The following BRINP1 variants were observed in gnomAD, a reference collection of about 807,000 sequenced individuals.
BRINP1 encodes the protein BMP/retinoic acid inducible neural specific 1.
In BRINP1, 17 loss-of-function variants were observed where a neutral mutation model predicts 72.9. The ratio of observed to expected loss-of-function variants is 0.23; its 90% CI spans 0.16 to 0.35. The LOEUF (loss-of-function observed/expected upper bound fraction) is 0.35, where lower values mean the gene tolerates loss of function less well. Among genes scored for constraint, BRINP1 ranks in the 10% least tolerant of loss-of-function variants. BRINP1 has a pLI of 1.00. For missense variants in BRINP1, 850 were observed against 1,001.6 expected, an observed-to-expected ratio of 0.85 and a Z score of 2.04; for synonymous variants, 418 against 378.5, an observed-to-expected ratio of 1.10 and a Z score of -1.21.
At chr9:119,231,752 CTT>C (rs925183784) in intron 5 of BRINP1, among the ~76,000 whole-genome samples, 79 of 152,122 alleles carry the variant, frequency 5.2e-4, no homozygotes, top group African/African-American at 1.9e-3. Flanking sequence ...TCTATACTCT[CTT>C]GTCTCTCTTC....
At chr9:119,313,078 G>T in intron 2 of BRINP1, 60 bp downstream of exon 2, 1 of 1,550,192 alleles carries the variant, frequency 6.5e-7, no homozygotes, top group Non-Finnish European at 8.8e-7. Flanking sequence ...ACCAATCAAC[G>T]CCTGACTCCA....
At chr9:119,188,557 G>A (rs1829650208) in intron 7 of BRINP1, among the ~76,000 whole-genome samples, 1 of 152,088 alleles carries the variant, frequency 6.6e-6, no homozygotes, top group Non-Finnish European at 1.5e-5. Context: ...GAGACCAAGA[G>A]TTTAAGAGCA....
In BRINP1 at chr9:119,238,334, C is replaced by T. The variant is rs59385195; in HGVS notation, c.685+321G>A. On this transcript the variant is annotated intron_variant, in intron 5 of 7. Transcript: ENST00000265922. ...ATGTATATGGAGCCCCAAACATAAA[C>T]TTGACATATACAGCATATACAGACA... 6.6e-3 allele frequency among the ~76,000 whole-genome samples: 998 copies of T among 152,128 alleles called. 13 individuals are homozygous for T. The highest frequency in any genetic ancestry group is 0.022 in the African/African-American group (911 of 41,492).
At chr9:119,285,973 C>G (rs556657582) in intron 2 of BRINP1, among the ~76,000 whole-genome samples, 9 of 152,258 alleles carry the variant, frequency 5.9e-5, no homozygotes, top group African/African-American at 2.2e-4. Context: ...AGCTGTGCAA[C>G]TTGGAAATCA....
At position 119,262,083 on chromosome 9, in the gene BRINP1, A is replaced by G. The variant is rs547627205; in HGVS notation, c.219-12933T>C. On this transcript the variant is annotated intron_variant, in intron 2 of 7. Transcript: ENST00000265922. ...TTGCATGAATACTCACAAGCACCCC[A>G]GGAGCTGGTTGTGGTTATTTTCATT... Among the ~76,000 whole-genome samples, 18 of 152,302 alleles carry G rather than the reference A, an allele frequency of 1.2e-4. No individual in the cohort carries two copies. The South Asian group carries it at 2.9e-3, about 25-fold the overall frequency.
rs776526331 is a variant in BRINP1 at position 119,208,946 on chromosome 9, TGA to T, written c.923-7_923-6del. 4 of 1,611,234 alleles carry T rather than the reference TGA, an allele frequency of 2.5e-6. No individual in the cohort carries two copies. Among genetic ancestry groups the T allele is most frequent in the Non-Finnish European group, 3.4e-6 (4 of 1,177,420 alleles). ...TCATAAATGATTTAAACTCATCTAG[TGA>T]GAGACAAAGGCCGAGAGAGAAGGGC... On this transcript the variant is annotated splice_polypyrimidine_tract_variant and splice_region_variant and intron_variant, in intron 6 of 7. Transcript: ENST00000265922.
At chr9:119,284,803 A>G (rs150469167) in intron 2 of BRINP1, among the ~76,000 whole-genome samples, 2 of 152,272 alleles carry the variant, frequency 1.3e-5, no homozygotes, top group African/African-American at 4.8e-5. Flanking sequence ...GTTCGCTGCC[A>G]AGAAAGATGT....
chr9:119,324,143 GGT>G (rs1831216021), intron 1 of BRINP1, among the ~76,000 whole-genome samples: 1 of 152,032 alleles, frequency 6.6e-6, no homozygotes, highest in Non-Finnish European at 1.5e-5. Flanking sequence ...AAAACACCTT[GGT>G]GCCCAACTCA....
chr9:119,299,191 T>C (rs539838602), intron 2 of BRINP1, among the ~76,000 whole-genome samples: 1 of 152,302 alleles, frequency 6.6e-6, no homozygotes, highest in Admixed American at 6.5e-5. Context: ...GTTCTTCCTA[T>C]CTAACTGAAA....
intron 2 of BRINP1, among the ~76,000 whole-genome samples, chr9:119,281,214 G>A (rs1194623135): frequency 6.6e-6 from 1 of 152,158 alleles, no homozygotes; most frequent in Non-Finnish European, 1.5e-5. Context: ...TGCCTGGCCT[G>A]GCAGAGATAC....
At chr9:119,286,728 G>C (rs1830764838) in intron 2 of BRINP1, among the ~76,000 whole-genome samples, 1 of 152,200 alleles carries the variant, frequency 6.6e-6, no homozygotes, top group South Asian at 2.1e-4. Context: ...TTGGTATTTT[G>C]AAAGTTCAGA....
chr9:119,321,648 T>C (rs1321179261), intron 1 of BRINP1, among the ~76,000 whole-genome samples: 1 of 152,028 alleles, frequency 6.6e-6, no homozygotes, highest in East Asian at 1.9e-4. Flanking sequence ...CTAACTTTAT[T>C]ATTTTTTGTA....
At chr9:119,290,409 G>A (rs1830809577) in intron 2 of BRINP1, among the ~76,000 whole-genome samples, 1 of 152,194 alleles carries the variant, frequency 6.6e-6, no homozygotes, top group South Asian at 2.1e-4. Context: ...GAAAAATCAT[G>A]AAGAATAGTG....
At chr9:119,363,986 T>G (rs563333659) in intron 1 of BRINP1, among the ~76,000 whole-genome samples, 1 of 149,664 alleles carries the variant, frequency 6.7e-6, no homozygotes. Context: ...ATTTGTTGAA[T>G]AAATCCTCAC....
chr9:119,213,789 G>T, intron 6 of BRINP1, 130 bp downstream of exon 6: 1 of 756,462 alleles, frequency 1.3e-6, no homozygotes. Flanking sequence ...CTTGCATCTG[G>T]ACACTCCAAA....
chr9:119,316,799 AAAC>A (rs1277232367), intron 1 of BRINP1, among the ~76,000 whole-genome samples: 1 of 152,174 alleles, frequency 6.6e-6, no homozygotes, highest in Non-Finnish European at 1.5e-5. Context: ...ATGCCTGCTG[AAAC>A]AACATCTATT....
intron 1 of BRINP1, among the ~76,000 whole-genome samples, chr9:119,364,889 G>GT (rs1242659675): frequency 6.6e-6 from 1 of 152,232 alleles, no homozygotes; most frequent in Non-Finnish European, 1.5e-5. Flanking sequence ...CAAAAATGCC[G>GT]TAACGGCATT....
intron 2 of BRINP1, among the ~76,000 whole-genome samples, chr9:119,249,861 AGGGAGGGAGGGAG>A (rs1830362844): frequency 2.2e-5 from 1 of 45,690 alleles, no homozygotes; most frequent in Non-Finnish European, 3.7e-5. Context: ...GAAGGGAGGG[AGGGAGGGAGGGAG>A]GGAAGGGAGG....
chr9:119,234,512 C>T lies in BRINP1; in HGVS notation c.685+4143G>A, dbSNP rs1830175926. On this transcript the variant is annotated intron_variant, in intron 5 of 7. Coordinates refer to ENST00000265922, the MANE Select transcript of BRINP1 (RefSeq NM_014618.3). Reference sequence around the variant, plus strand: ...CAGAAGTTTTAAAAATATGTATATTCTGTATTCTATAAGTGTTCTTTGTCA... The same window carrying T: ...CAGAAGTTTTAAAAATATGTATATTTTGTATTCTATAAGTGTTCTTTGTCA... Among the ~76,000 whole-genome samples, 3 of 152,098 alleles carry T rather than the reference C, an allele frequency of 2.0e-5. No individual in the cohort carries two copies. In the South Asian group the frequency reaches 6.2e-4, roughly 32 times the overall value.
Sources: gnomAD v4.1 joint callset for allele counts (sites outside exome capture counted in the v4.1 genomes callset) on GRCh38, gnomAD v4.1.1 for gene constraint, MANE v1.5 for transcripts, NCBI Gene and HGNC (gene_info 2026-07-23, HGNC 2026-07-21) for gene names.